The following NRXN1 variants were observed in gnomAD, a reference collection of about 807,000 sequenced individuals.
The protein encoded by NRXN1 is neurexin-1.
A neutral mutation model predicts 150.9 loss-of-function variants in NRXN1; 39 were observed. That is an observed-to-expected ratio of 0.26 (90% confidence interval 0.20 to 0.34). The LOEUF is 0.34. Ranked by LOEUF, NRXN1 falls within the 10% of genes least tolerant of loss-of-function variation. The probability of loss-of-function intolerance (pLI) is 1.00; values close to 1 mark genes in which losing one functional copy is unlikely to be tolerated. For missense variants in NRXN1, 1,815 were observed against 1,949.9 expected, an observed-to-expected ratio of 0.93 and a Z score of 1.30; for synonymous variants, 924 against 757.0, an observed-to-expected ratio of 1.22 and a Z score of -3.62.
chr2:50,467,947 T>G (rs569082230), intron 16 of NRXN1, among the ~76,000 whole-genome samples: 1 of 151,700 alleles, frequency 6.6e-6, no homozygotes, highest in South Asian at 2.1e-4. Flanking sequence ...AGGGAAGTGG[T>G]CTACTGATCC....
At chr2:50,336,341 G>A (rs1277795365) in intron 17 of NRXN1, among the ~76,000 whole-genome samples, 1 of 152,194 alleles carries the variant, frequency 6.6e-6, no homozygotes, top group Non-Finnish European at 1.5e-5. Flanking sequence ...CATAAGAAAT[G>A]AGTAGTAGAG....
At chr2:50,400,130 T>C (rs12994492) in intron 17 of NRXN1, among the ~76,000 whole-genome samples, 37,365 of 151,872 alleles carry the variant, frequency 0.25, 5,025 homozygotes, top group East Asian at 0.43. Flanking sequence ...CTTCACCTAT[T>C]TGTATACTTT....
At chr2:50,577,534 G>C (rs1040500589) in intron 8 of NRXN1, among the ~76,000 whole-genome samples, 55 of 152,164 alleles carry the variant, frequency 3.6e-4, no homozygotes, top group African/African-American at 1.3e-3. Context: ...TATGTGTTTA[G>C]CTGAAGAACA....
chr2:51,027,704 G>T lies in NRXN1; in HGVS notation c.570C>A (p.Asn190Lys), dbSNP rs564945882. The T allele has an allele frequency of 6.2e-6, 10 of 1,608,100 alleles. No individual in the cohort carries two copies. In the Admixed American group the frequency reaches 1.5e-4, roughly 24 times the overall value. Reference sequence around the variant, plus strand: ...TGTCCACGGGCAGGACCTGCGAGGAGTTGACCCTCACGTCACGAATCCACC... The same window carrying T: ...TGTCCACGGGCAGGACCTGCGAGGATTTGACCCTCACGTCACGAATCCACC... ...FKGWIRDVRV[N>K]SSQVLPVDSG... is the part of the protein sequence containing the mutation. The change falls in exon 2 of 23, where the codon AAC (asparagine) becomes AAA (lysine). Residue 190 changes from asparagine to lysine, a missense_variant. Physicochemically the swap from Asn to Lys is moderately conservative, Grantham distance 94. Coordinates refer to ENST00000401669, the MANE Select transcript of NRXN1 (RefSeq NM_001330078.2).
chr2:50,573,168 G>A (rs1045614861), intron 8 of NRXN1, among the ~76,000 whole-genome samples: 3 of 151,936 alleles, frequency 2.0e-5, no homozygotes, highest in African/African-American at 4.8e-5. Flanking sequence ...TCAGGAGTTC[G>A]AGACCAGCCT....
chr2:51,031,622 G>A (rs1558625145), intron 1 of NRXN1, among the ~76,000 whole-genome samples: 1 of 152,100 alleles, frequency 6.6e-6, no homozygotes, highest in Non-Finnish European at 1.5e-5. Context: ...CTTGGAGCTC[G>A]GGGTCTACTG....
At chr2:50,038,438 T>A (rs1690384925) in intron 21 of NRXN1, among the ~76,000 whole-genome samples, 1 of 152,252 alleles carries the variant, frequency 6.6e-6, no homozygotes, top group South Asian at 2.1e-4. Context: ...TGCACCCACA[T>A]GTAAGATAAT....
chr2:50,634,845 C>T (rs547241418), intron 5 of NRXN1, among the ~76,000 whole-genome samples: 3 of 152,162 alleles, frequency 2.0e-5, no homozygotes, highest in African/African-American at 7.2e-5. Flanking sequence ...GTGGGCTGTA[C>T]CTGCTTCTCT....
intron 5 of NRXN1, among the ~76,000 whole-genome samples, chr2:50,899,851 G>T (rs1034483118): frequency 6.6e-6 from 1 of 152,116 alleles, no homozygotes; most frequent in Non-Finnish European, 1.5e-5. Flanking sequence ...ACGTCAGGTT[G>T]TTGAAATCTT....
intron 18 of NRXN1, among the ~76,000 whole-genome samples, chr2:50,096,587 G>A (rs1700255714): frequency 6.6e-6 from 1 of 152,038 alleles, no homozygotes; most frequent in African/African-American, 2.4e-5. Flanking sequence ...TGATCTCCCT[G>A]TACTGTATAT....
At chr2:50,310,059 G>A (rs951096586) in intron 17 of NRXN1, among the ~76,000 whole-genome samples, 13 of 152,236 alleles carry the variant, frequency 8.5e-5, no homozygotes, top group Admixed American at 2.6e-4. Context: ...ATTCTAAAAC[G>A]ACATGCCTCT....
intron 15 of NRXN1, among the ~76,000 whole-genome samples, chr2:50,483,146 A>C (rs2090605303): frequency 6.6e-6 from 1 of 151,774 alleles, no homozygotes; most frequent in East Asian, 1.9e-4. Flanking sequence ...CTATATGCTA[A>C]TTATAATTTA....
intron 18 of NRXN1, among the ~76,000 whole-genome samples, chr2:50,118,608 G>A (rs1484563397): frequency 6.6e-6 from 1 of 152,152 alleles, no homozygotes; most frequent in Non-Finnish European, 1.5e-5. Flanking sequence ...ACAAAAAAGA[G>A]AGTGTGGCTC....
intron 21 of NRXN1, among the ~76,000 whole-genome samples, chr2:50,037,020 G>C (rs539298205): frequency 4.6e-5 from 7 of 152,258 alleles, no homozygotes; most frequent in African/African-American, 9.6e-5. Context: ...AAGCAACTAA[G>C]TTTTAGAGGA....
intron 5 of NRXN1, among the ~76,000 whole-genome samples, chr2:50,731,161 G>C (rs570227652): frequency 6.6e-6 from 1 of 152,212 alleles, no homozygotes; most frequent in Admixed American, 6.5e-5. Flanking sequence ...TGAAATTAAA[G>C]TTTGGCTATT....
chr2:50,034,192 C>A (rs1689650209), intron 21 of NRXN1, among the ~76,000 whole-genome samples: 2 of 152,044 alleles, frequency 1.3e-5, no homozygotes. Context: ...CACATGCACA[C>A]ATATGTTCAT....
intron 21 of NRXN1, among the ~76,000 whole-genome samples, chr2:50,052,882 C>G (rs368491319): frequency 3.3e-5 from 5 of 151,984 alleles, no homozygotes; most frequent in African/African-American, 9.7e-5. Context: ...TTAAATTTGC[C>G]TTGATTTTAT....
chr2:50,495,145 G>T (rs934478966), intron 15 of NRXN1, among the ~76,000 whole-genome samples: 4 of 151,936 alleles, frequency 2.6e-5, no homozygotes, highest in African/African-American at 9.7e-5. Context: ...AATGCCTGTT[G>T]TAGTGTTAAA....
chr2:51,026,296 C>T, intron 2 of NRXN1: 3 of 948,372 alleles, frequency 3.2e-6, no homozygotes, highest in Non-Finnish European at 5.0e-6. Context: ...TTGCTTTGAC[C>T]CATAAGCTAT....
Sources: gnomAD v4.1 joint callset for allele counts (sites outside exome capture counted in the v4.1 genomes callset) on GRCh38, gnomAD v4.1.1 for gene constraint, MANE v1.5 for transcripts, NCBI Gene and HGNC (gene_info 2026-07-23, HGNC 2026-07-21) for gene names.